The following VWA5B1 variants were observed in gnomAD, a reference collection of about 807,000 sequenced individuals.
VWA5B1 encodes the protein von Willebrand factor A domain-containing protein 5B1.
A neutral mutation model predicts 118.2 loss-of-function variants in VWA5B1; 115 were observed. That is an observed-to-expected ratio of 0.97 (90% confidence interval 0.84 to 1.14). The LOEUF is 1.14. Among genes scored for constraint, VWA5B1 ranks in the 50% most tolerant of loss-of-function variants. VWA5B1 has a pLI of 0.00. For synonymous variants in VWA5B1, 682 were observed against 658.4 expected, an observed-to-expected ratio of 1.04 and a Z score of -0.55; for missense variants, 1,596 against 1,603.8, an observed-to-expected ratio of 1.00 and a Z score of 0.08.
At chr1:20,296,357 C>T (rs1472029929) in intron 1 of VWA5B1, among the ~76,000 whole-genome samples, 1 of 152,176 alleles carries the variant, frequency 6.6e-6, no homozygotes, top group Non-Finnish European at 1.5e-5. Flanking sequence ...CAAAGGATTG[C>T]ACGGTGAAAC....
rs1174144339 is a variant in VWA5B1 at position 20,317,554 on chromosome 1, C to T, written c.588C>T (p.Ala196=). 6.4e-7 allele frequency: 1 copy of T among 1,551,688 alleles called. No individual in the cohort carries two copies. The highest frequency in any genetic ancestry group is 2.4e-5 in the East Asian group (1 of 40,910). Residue 196 remains alanine, a synonymous_variant, in exon 5 of 22, where the codon GCC becomes GCT. Coordinates refer to ENST00000289815, the MANE Select transcript of VWA5B1 (RefSeq NM_001039500.3). ...AQGKDRHCFG[A]WAPGSWNKLC... Reference sequence around the variant, plus strand: ...GCAAAGACAGGCACTGCTTCGGTGCCTGGGCCCCGGGCTCCTGGAATAAGT... The same window carrying T: ...GCAAAGACAGGCACTGCTTCGGTGCTTGGGCCCCGGGCTCCTGGAATAAGT...
chr1:20,302,102 C>T (rs986940766), intron 1 of VWA5B1, among the ~76,000 whole-genome samples: 4 of 152,124 alleles, frequency 2.6e-5, no homozygotes, highest in African/African-American at 7.2e-5. Flanking sequence ...CCCCAGACAC[C>T]GTGGTGGCTT....
chr1:20,291,463 T>C (rs2088303532), intron 1 of VWA5B1, among the ~76,000 whole-genome samples: 1 of 101,858 alleles, frequency 9.8e-6, no homozygotes. Flanking sequence ...TTTCTGTGTC[T>C]GTTTCTCTTT....
At chr1:20,324,572 C>T (rs552036530) in intron 8 of VWA5B1, among the ~76,000 whole-genome samples, 2 of 152,222 alleles carry the variant, frequency 1.3e-5, no homozygotes, top group South Asian at 4.1e-4. Context: ...TTTATTGATC[C>T]GGGTAAAGGA....
intron 7 of VWA5B1, among the ~76,000 whole-genome samples, chr1:20,319,881 G>A (rs2315615): frequency 0.48 from 72,646 of 151,954 alleles, 18,072 homozygotes; most frequent in East Asian, 0.91. Flanking sequence ...CCACCAGCTG[G>A]GTAGCCTCTT....
intron 1 of VWA5B1, among the ~76,000 whole-genome samples, chr1:20,292,303 C>T (rs147285516): frequency 0.026 from 4,004 of 152,012 alleles, 92 homozygotes; most frequent in Non-Finnish European, 0.039. Context: ...GGGGACTGGA[C>T]GAGGCTCAAA....
At chr1:20,330,462 A>C in intron 10 of VWA5B1, 80 bp downstream of exon 10, 2 of 1,495,434 alleles carry the variant, frequency 1.3e-6, no homozygotes, top group South Asian at 2.5e-5. Context: ...GCAATGTGGA[A>C]AATGCCAGAG....
In VWA5B1 at chr1:20,310,667, C is replaced by T. The variant is rs1287515680; in HGVS notation, c.66C>T (p.Ser22=). ...CCCTCACCGCGTCTGATGTTACCTC[C>T]TGTGTCAGCGGTTATGCCCTGGGCC... The part of the protein sequence containing the change: ...ALPLTASDVT[S]CVSGYALGLT... Residue 22 remains serine (S), a synonymous_variant, in exon 2 of 22, where the codon TCC becomes TCT. Transcript: ENST00000289815. 1.3e-6 allele frequency: 2 copies of T among 1,551,292 alleles called. No homozygotes were observed. Among genetic ancestry groups the T allele is most frequent in the South Asian group, 1.2e-5 (1 of 83,994 alleles).
intron 2 of VWA5B1, among the ~76,000 whole-genome samples, chr1:20,312,586 G>A (rs1480735439): frequency 2.0e-5 from 3 of 152,182 alleles, no homozygotes; most frequent in Non-Finnish European, 4.4e-5. Flanking sequence ...CACTCTCTTG[G>A]AAAATCAGAA....
chr1:20,314,629 G>A lies in VWA5B1; in HGVS notation c.563+37G>A, dbSNP rs150126493. On this transcript the variant is annotated intron_variant, in intron 4 of 21. Transcript: ENST00000289815. ...CTGCCCAGACCAATCAGAGTCCCAGGTGGGCAGCAGAGAGTGCGTCAGGTG... is the reference window on the plus strand; with the variant it reads ...CTGCCCAGACCAATCAGAGTCCCAGATGGGCAGCAGAGAGTGCGTCAGGTG... 335 of 1,542,388 alleles carry A rather than the reference G, an allele frequency of 2.2e-4. 4 individuals carry two copies. In the Admixed American group the frequency reaches 6.0e-3, roughly 27 times the overall value.
intron 7 of VWA5B1, 26 bp downstream of exon 7, chr1:20,319,532 G>A (rs2089139728): frequency 1.9e-6 from 3 of 1,550,532 alleles, no homozygotes; most frequent in African/African-American, 1.4e-5. Context: ...GTGGGGAGCG[G>A]ACGGTGGCAG....
chr1:20,336,611 AC>A, intron 13 of VWA5B1, 125 bp downstream of exon 13: 1 of 1,077,052 alleles, frequency 9.3e-7, no homozygotes, highest in African/African-American at 1.6e-5. Flanking sequence ...TACCCACTTT[AC>A]AGATGAGGAA....
Position 20,323,585 on chromosome 1 carries a change from C to A in VWA5B1, c.1143+53C>A, listed in dbSNP as rs562913304. 3.9e-3 allele frequency: 5,180 copies of A among 1,314,130 alleles called. 19 individuals carry two copies. Among genetic ancestry groups the A allele is most frequent in the Non-Finnish European group, 4.7e-3 (4,854 of 1,026,902 alleles). The allele number at this position is 1,314,130 out of a possible 1,614,324, so 81.4% of individuals were successfully genotyped here. A position where few individuals can be genotyped will look rare whatever the true frequency, so the allele number is the denominator to read the frequency against. Reference sequence around the variant, plus strand: ...GACCCGGGGCTCCAGGGGAAATCAGCTGTGTGCCCCCAATCCAGCTTCCTC... The same window carrying A: ...GACCCGGGGCTCCAGGGGAAATCAGATGTGTGCCCCCAATCCAGCTTCCTC... On this transcript the variant is annotated intron_variant, in intron 8 of 21. Transcript: ENST00000289815.
At chr1:20,342,384 C>G in intron 14 of VWA5B1, 48 bp from the exon 15 acceptor site, 1 of 1,538,314 alleles carries the variant, frequency 6.5e-7, no homozygotes, top group South Asian at 1.2e-5. Context: ...CCTCCTCCTC[C>G]TCCTCCTCGT....
chr1:20,321,888 C>A (rs2089230427), intron 7 of VWA5B1, among the ~76,000 whole-genome samples: 1 of 152,158 alleles, frequency 6.6e-6, no homozygotes, highest in Non-Finnish European at 1.5e-5. Flanking sequence ...AGGGGTCAAG[C>A]CACAGGGGGC....
At chr1:20,319,608 G>A (rs549667867) in intron 7 of VWA5B1, 102 bp downstream of exon 7, 110 of 1,483,688 alleles carry the variant, frequency 7.4e-5, no homozygotes, top group Admixed American at 2.3e-4. Flanking sequence ...CCTGCCCGAG[G>A]TCATCCAGCA....
At chr1:20,296,772 T>C (rs986922337) in intron 1 of VWA5B1, among the ~76,000 whole-genome samples, 20 of 152,254 alleles carry the variant, frequency 1.3e-4, no homozygotes, top group African/African-American at 4.6e-4. Context: ...CTTTTCTTCA[T>C]TCACCCTTTC....
Position 20,337,218 on chromosome 1 carries a change from T to G in VWA5B1, c.1943-428T>G, listed in dbSNP as rs547939151. Among the ~76,000 whole-genome samples, 4 of 152,100 alleles carry G rather than the reference T, an allele frequency of 2.6e-5. No individual in the cohort carries two copies. The East Asian group carries it at 7.7e-4, about 29-fold the overall frequency. On this transcript the variant is annotated intron_variant, in intron 13 of 21. Coordinates refer to ENST00000289815, the MANE Select transcript of VWA5B1 (RefSeq NM_001039500.3). ...TCTCTGTTCACTGCAACCTCCACCT[T>G]CTGGATTCAAGCAATTCTCATGCCT...
At chr1:20,350,736 A>T (rs2090111843) in intron 19 of VWA5B1, 121 bp from the exon 20 acceptor site, 1 of 893,818 alleles carries the variant, frequency 1.1e-6, no homozygotes, top group African/African-American at 1.7e-5. Flanking sequence ...GGTTAGCTCG[A>T]GTCCCTAGGA....
Sources: allele counts gnomAD v4.1 joint callset (sites outside exome capture counted in the v4.1 genomes callset), GRCh38; gene constraint gnomAD v4.1.1; transcripts MANE v1.5; gene names NCBI Gene and HGNC (gene_info 2026-07-23, HGNC 2026-07-21).